Variants in SPECC1 observed in about 807,000 individuals in gnomAD.
The protein encoded by SPECC1 is cytospin-B.
A neutral mutation model predicts 104.1 loss-of-function variants in SPECC1; 62 were observed. The ratio of observed to expected loss-of-function variants is 0.60; its 90% CI spans 0.49 to 0.74. The LOEUF (loss-of-function observed/expected upper bound fraction) is 0.74, where lower values mean the gene tolerates loss of function less well. Ranked by LOEUF, SPECC1 falls within the 30% of genes least tolerant of loss-of-function variation. The pLI is 0.00. For missense variants in SPECC1, 1,306 were observed against 1,310.5 expected (o/e 1.00, Z 0.05); for synonymous variants, 513 against 501.6 (o/e 1.02, Z -0.30).
chr17:20,175,289 G>A (rs1029860879), intron 3 of SPECC1, among the ~76,000 whole-genome samples: 4 of 152,162 alleles, frequency 2.6e-5, no homozygotes, highest in Admixed American at 2.6e-4. Context: ...TCGAATTCAG[G>A]CAGTTGATCA....
intron 1 of SPECC1, among the ~76,000 whole-genome samples, chr17:20,037,727 T>C (rs751963146): frequency 2.0e-5 from 3 of 152,166 alleles, no homozygotes; most frequent in Non-Finnish European, 4.4e-5. Context: ...ATTTGCTTCT[T>C]GAGAGTTAAA....
intron 2 of SPECC1, among the ~76,000 whole-genome samples, chr17:20,100,478 G>A (rs943438173): frequency 1.3e-5 from 2 of 152,092 alleles, no homozygotes; most frequent in Admixed American, 1.3e-4. Flanking sequence ...GGATCCCACA[G>A]CAGACACCAT....
At chr17:20,148,492 C>G (rs752464426) in intron 3 of SPECC1, among the ~76,000 whole-genome samples, 4 of 146,648 alleles carry the variant, frequency 2.7e-5, no homozygotes, top group Non-Finnish European at 6.0e-5. Context: ...ATGTATTTTT[C>G]CAAATAAATG....
intron 7 of SPECC1, chr17:20,237,101 T>C (rs1285098317): frequency 5.0e-6 from 7 of 1,402,448 alleles, no homozygotes; most frequent in African/African-American, 1.4e-5. Flanking sequence ...AAAGATGATG[T>C]TTCCCTCTTT....
chr17:20,191,166 AT>A (rs2035643365), intron 3 of SPECC1, among the ~76,000 whole-genome samples: 1 of 152,198 alleles, frequency 6.6e-6, no homozygotes, highest in Non-Finnish European at 1.5e-5. Flanking sequence ...TTTGGCAGTT[AT>A]GAGTAAAGCT....
intron 3 of SPECC1, among the ~76,000 whole-genome samples, chr17:20,182,679 A>G (rs920055190): frequency 2.0e-5 from 3 of 152,242 alleles, no homozygotes; most frequent in South Asian, 2.1e-4. Context: ...GTGACTTAGT[A>G]TAACATTTTC....
intron 1 of SPECC1, among the ~76,000 whole-genome samples, chr17:20,031,530 C>A (rs918009354): frequency 6.6e-6 from 1 of 152,116 alleles, no homozygotes; most frequent in Non-Finnish European, 1.5e-5. Context: ...CCATGTTAAT[C>A]ATTTTTAAGT....
In SPECC1 at chr17:20,260,313, C is replaced by T. The variant is rs764439013; in HGVS notation, c.2940+19C>T. 1.2e-6 allele frequency: 2 copies of T among 1,608,398 alleles called. No individual in the cohort carries two copies. Among genetic ancestry groups the T allele is most frequent in the Non-Finnish European group, 1.7e-6 (2 of 1,175,546 alleles). On this transcript the variant is annotated intron_variant, in intron 12 of 14. Coordinates refer to ENST00000395527, the MANE Select transcript of SPECC1 (RefSeq NM_001243439.2). ...TTATGCGGTAAGGGACAACATCAGC[C>T]AACTTCCAGCTGCCCCTGGGCAGTA...
intron 3 of SPECC1, among the ~76,000 whole-genome samples, chr17:20,146,132 G>A (rs1054590165): frequency 2.0e-5 from 3 of 152,120 alleles, no homozygotes; most frequent in Non-Finnish European, 2.9e-5. Context: ...TACATTCTAT[G>A]GGTTTTGACA....
Position 20,205,468 on chromosome 17 carries a change from T to G in SPECC1, c.1419T>G (p.Ile473Met). 6.2e-7 allele frequency: 1 copy of G among 1,614,084 alleles called. No homozygotes were observed. Among genetic ancestry groups the G allele is most frequent in the African/African-American group, 1.3e-5 (1 of 75,038 alleles). The change falls in exon 4 of 15, where the codon ATT (isoleucine) becomes ATG (methionine). Residue 473 changes from isoleucine to methionine, a missense_variant. Ile to Met is a conservative substitution (Grantham distance 10). Around this residue, in one of 2 missense-constraint regions of SPECC1, gnomAD observed 1,177 missense variants for 1,139.9 expected, o/e 1.03. Coordinates refer to ENST00000395527, the MANE Select transcript of SPECC1 (RefSeq NM_001243439.2). ...IIELEQKCTGILEQGRFEREK... is the reference protein window; with the variant it reads ...IIELEQKCTGMLEQGRFEREK... ...AACTGGAGCAGAAGTGCACAGGTAT[T>G]CTTGAACAGGGCCGCTTTGAAAGAG...
intron 14 of SPECC1, among the ~76,000 whole-genome samples, chr17:20,313,515 CA>C (rs2041983732): frequency 6.6e-6 from 1 of 152,344 alleles, no homozygotes; most frequent in Non-Finnish European, 1.5e-5. Context: ...ACTAGAATGG[CA>C]GCCCGCACAG....
At position 20,205,826 on chromosome 17, in the gene SPECC1, C is replaced by G. The variant is rs769432899; in HGVS notation, c.1777C>G (p.Leu593Val). 4 of 1,614,176 alleles carry G rather than the reference C, an allele frequency of 2.5e-6. No individual in the cohort carries two copies. In the South Asian group the frequency reaches 4.4e-5, roughly 18 times the overall value. The change falls in exon 4 of 15, where the codon CTA becomes GTA. Residue 593 changes from leucine to valine, a missense_variant. By Grantham distance (32) the Leu-to-Val change is conservative. Around this residue, in one of 2 missense-constraint regions of SPECC1, gnomAD observed 1,177 missense variants for 1,139.9 expected, o/e 1.03. Coordinates refer to ENST00000395527, the MANE Select transcript of SPECC1 (RefSeq NM_001243439.2). ...MLKVARAEKDLLELSCNELRQ... is the reference protein window; with the variant it reads ...MLKVARAEKDVLELSCNELRQ... Reference sequence around the variant, plus strand: ...GAAAGTAGCCCGAGCAGAGAAAGATCTACTGGAACTGTCTTGCAATGAGCT... The same window carrying G: ...GAAAGTAGCCCGAGCAGAGAAAGATGTACTGGAACTGTCTTGCAATGAGCT...
rs1302909159 is a variant in SPECC1, at chr17:20,169,889, CTAGT to C, written c.284-34442_284-34439del. 1.0e-3 allele frequency among the ~76,000 whole-genome samples: 157 copies of C among 152,166 alleles called. 3 individuals carry two copies. The highest frequency in any genetic ancestry group is 0.01 in the Admixed American group (156 of 15,274). The stretch of plus-strand genomic sequence containing the variant: ...CCAATTTGCTTTAGGTACGGGATTT[CTAGT>C]TTGTTGAATTCTATTTTACTTACAA... On this transcript the variant is annotated intron_variant, in intron 3 of 14. Coordinates refer to ENST00000395527, the MANE Select transcript of SPECC1 (RefSeq NM_001243439.2).
chr17:20,170,460 AAG>A (rs1223883317), intron 3 of SPECC1, among the ~76,000 whole-genome samples: 13 of 152,278 alleles, frequency 8.5e-5, no homozygotes, highest in Admixed American at 6.5e-4. Flanking sequence ...GCTTGTCCAT[AAG>A]AGTTTTTCCT....
chr17:20,296,661 T>C (rs1303131153), intron 12 of SPECC1, among the ~76,000 whole-genome samples: 2 of 152,230 alleles, frequency 1.3e-5, no homozygotes, highest in Non-Finnish European at 2.9e-5. Context: ...GAGCATGGAA[T>C]GTTCTTCCAT....
chr17:20,098,103 G>T (rs1181603035), intron 2 of SPECC1, among the ~76,000 whole-genome samples: 3 of 152,056 alleles, frequency 2.0e-5, no homozygotes, highest in Admixed American at 6.5e-5. Flanking sequence ...CCCTCTAACT[G>T]CCTTTGTGAC....
chr17:20,084,627 G>T (rs2047107367), intron 1 of SPECC1, among the ~76,000 whole-genome samples: 1 of 152,096 alleles, frequency 6.6e-6, no homozygotes, highest in African/African-American at 2.4e-5. Flanking sequence ...CATTAATCAG[G>T]TGGGTTTTTT....
intron 4 of SPECC1, among the ~76,000 whole-genome samples, chr17:20,211,750 G>C (rs1020760641): frequency 6.6e-6 from 1 of 152,220 alleles, no homozygotes; most frequent in African/African-American, 2.4e-5. Context: ...CAGTTGGGCA[G>C]ATCCACAGAA....
intron 1 of SPECC1, among the ~76,000 whole-genome samples, chr17:20,086,729 G>A (rs73299621): frequency 7.2e-5 from 11 of 152,312 alleles, no homozygotes; most frequent in African/African-American, 9.6e-5. Flanking sequence ...GGGGGCTCTC[G>A]TTATGGAGGG....
Sources: allele counts gnomAD v4.1 joint callset (sites outside exome capture counted in the v4.1 genomes callset), GRCh38; gene constraint gnomAD v4.1.1; regional missense constraint gnomAD v4.1.1; transcripts MANE v1.5; gene names NCBI Gene and HGNC (gene_info 2026-07-23, HGNC 2026-07-21).